Variants in ANK1 observed in about 807,000 individuals in gnomAD.
ANK1 encodes ankyrin 1.
In ANK1, 51 loss-of-function variants were observed where a neutral mutation model predicts 210.4. The ratio of observed to expected loss-of-function variants is 0.24; its 90% CI spans 0.19 to 0.31. The LOEUF is 0.31. ANK1 is among the 10% of genes least tolerant of loss of function. ANK1 has a pLI of 1.00. For synonymous variants in ANK1, 967 were observed against 1,025.9 expected (o/e 0.94, Z 1.10); for missense variants, 2,051 against 2,504.4 (o/e 0.82, Z 3.86).
intron 37 of ANK1, among the ~76,000 whole-genome samples, chr8:41,681,018 G>C (rs376811690): frequency 6.6e-5 from 10 of 152,280 alleles, no homozygotes; most frequent in African/African-American, 2.2e-4. Flanking sequence ...ATATTGGTTT[G>C]GGGCAGCATA....
At chr8:41,870,923 C>G (rs1815359251) in intron 1 of ANK1, among the ~76,000 whole-genome samples, 1 of 152,188 alleles carries the variant, frequency 6.6e-6, no homozygotes, top group South Asian at 2.1e-4. Context: ...CCCCACCCCT[C>G]CTGGCTCTCG....
At chr8:41,863,539 A>G (rs1311613455) in intron 1 of ANK1, among the ~76,000 whole-genome samples, 1 of 152,158 alleles carries the variant, frequency 6.6e-6, no homozygotes, top group Non-Finnish European at 1.5e-5. Context: ...GCATGTAAAT[A>G]TTTTCTGGCT....
chr8:41,748,928 G>T (rs1269105191), intron 2 of ANK1, among the ~76,000 whole-genome samples: 1 of 152,036 alleles, frequency 6.6e-6, no homozygotes, highest in Non-Finnish European at 1.5e-5. Flanking sequence ...CCAGCTACTT[G>T]GGGGGCTGAG....
At chr8:41,787,083 A>T (rs553960110) in intron 1 of ANK1, among the ~76,000 whole-genome samples, 1 of 152,278 alleles carries the variant, frequency 6.6e-6, no homozygotes, top group South Asian at 2.1e-4. Context: ...GGGATGCCTG[A>T]TGGGGGCCAT....
At chr8:41,837,881 T>G (rs1321978290) in intron 1 of ANK1, among the ~76,000 whole-genome samples, 1 of 151,224 alleles carries the variant, frequency 6.6e-6, no homozygotes, top group Non-Finnish European at 1.5e-5. Flanking sequence ...AAAAAAAAAA[T>G]GTTAATTTAA....
intron 1 of ANK1, among the ~76,000 whole-genome samples, chr8:41,853,619 TG>T (rs772019664): frequency 2.9e-4 from 44 of 152,210 alleles, no homozygotes; most frequent in Admixed American, 4.6e-4. Context: ...TAGAATAAAC[TG>T]GTTCTTTTCC....
chr8:41,744,261 C>T (rs1298130658), intron 2 of ANK1, among the ~76,000 whole-genome samples: 1 of 152,102 alleles, frequency 6.6e-6, no homozygotes, highest in Non-Finnish European at 1.5e-5. Flanking sequence ...AAAGCTTATC[C>T]TTTAGTAGAA....
At chr8:41,714,318 T>G in intron 15 of ANK1, 64 bp from the exon 16 acceptor site, 1 of 1,282,402 alleles carries the variant, frequency 7.8e-7, no homozygotes, top group Non-Finnish European at 1.1e-6. Context: ...CAGGACTCCC[T>G]TTAGGCATGG....
intron 2 of ANK1, among the ~76,000 whole-genome samples, chr8:41,738,010 C>T (rs117746146): frequency 0.017 from 2,618 of 152,156 alleles, 42 homozygotes; most frequent in Non-Finnish European, 0.025. Flanking sequence ...AACACGGATG[C>T]ATAAAAAATA....
chr8:41,729,606 G>A (rs1831590575), intron 3 of ANK1, among the ~76,000 whole-genome samples: 1 of 152,230 alleles, frequency 6.6e-6, no homozygotes, highest in African/African-American at 2.4e-5. Flanking sequence ...TGTCCAGGCT[G>A]GTCTCCTGTC....
At chr8:41,697,035 T>C (rs1039347847) in intron 24 of ANK1, among the ~76,000 whole-genome samples, 7 of 152,154 alleles carry the variant, frequency 4.6e-5, no homozygotes, top group African/African-American at 1.7e-4. Flanking sequence ...CAGTCCTCAC[T>C]GTTCAGTCTG....
chr8:41,757,950 A>G, intron 2 of ANK1, 86 bp downstream of exon 2: 5 of 1,241,116 alleles, frequency 4.0e-6, no homozygotes, highest in Non-Finnish European at 5.9e-6. Context: ...GAAAAGGTTA[A>G]TAGAGGCAGT....
At chr8:41,695,533 G>A (rs1000788471) in intron 26 of ANK1, among the ~76,000 whole-genome samples, 3 of 152,300 alleles carry the variant, frequency 2.0e-5, no homozygotes, top group Non-Finnish European at 4.4e-5. Flanking sequence ...CTTGCTCCCC[G>A]CCAGGCCTGC....
At chr8:41,750,003 G>C (rs561890186) in intron 2 of ANK1, among the ~76,000 whole-genome samples, 9 of 152,302 alleles carry the variant, frequency 5.9e-5, no homozygotes, top group African/African-American at 2.2e-4. Context: ...TCAGTTTCCT[G>C]AGCTATAAAA....
rs776944529 is a variant in ANK1, at chr8:41,784,390, T to G, written c.27+13122A>C. Among the ~76,000 whole-genome samples the G allele has an allele frequency of 2.6e-5, 4 of 152,340 alleles. No individual in the cohort carries two copies. In the East Asian group the frequency reaches 7.7e-4, roughly 29 times the overall value. On this transcript the variant is annotated intron_variant, in intron 1 of 42. Transcript: ENST00000289734. ...AGCAAAGCATCCTTTTGGGATAGAA[T>G]TAATCAATTCCCTAATTTTCTGGCT...
chr8:41,807,467 T>C (rs1006530002), intron 1 of ANK1, among the ~76,000 whole-genome samples: 3 of 152,216 alleles, frequency 2.0e-5, no homozygotes, highest in Admixed American at 6.5e-5. Context: ...GCCCTGTCTG[T>C]CGTGGCCCTT....
At chr8:41,725,656 C>T in intron 6 of ANK1, 105 bp downstream of exon 6, 1 of 1,481,694 alleles carries the variant, frequency 6.7e-7, no homozygotes. Flanking sequence ...ACTGCCCGCC[C>T]TGCACGCTCG....
At chr8:41,769,086 A>G (rs1046396419) in intron 1 of ANK1, among the ~76,000 whole-genome samples, 1 of 152,276 alleles carries the variant, frequency 6.6e-6, no homozygotes, top group Non-Finnish European at 1.5e-5. Context: ...GGATAATCAA[A>G]GATCAAGAGA....
intron 1 of ANK1, among the ~76,000 whole-genome samples, chr8:41,773,932 C>T (rs1371139452): frequency 1.2e-4 from 18 of 152,210 alleles, no homozygotes; most frequent in African/African-American, 2.7e-4. Context: ...GGCATCCAAA[C>T]GCCACTGTTT....
Sources: allele counts gnomAD v4.1 joint callset (sites outside exome capture counted in the v4.1 genomes callset), GRCh38; gene constraint gnomAD v4.1.1; transcripts MANE v1.5; gene names NCBI Gene and HGNC (gene_info 2026-07-23, HGNC 2026-07-21).